The following IGSF9B variants were observed in gnomAD, a reference collection of about 807,000 sequenced individuals.
IGSF9B encodes immunoglobulin superfamily member 9B.
A neutral mutation model predicts 143.7 loss-of-function variants in IGSF9B; 48 were observed. That is an observed-to-expected ratio of 0.33 (90% CI 0.26 to 0.42). IGSF9B has a LOEUF of 0.42. Among genes scored for constraint, IGSF9B ranks in the 20% least tolerant of loss-of-function variants. The probability of loss-of-function intolerance (pLI) is 1.00; values close to 1 mark genes in which losing one functional copy is unlikely to be tolerated. For missense variants in IGSF9B, 1,706 were observed against 1,980.0 expected (o/e 0.86, Z 2.63); for synonymous variants, 903 against 833.1 (o/e 1.08, Z -1.44).
In IGSF9B at chr11:133,920,479, G is replaced by A; in HGVS notation, c.3246C>T (p.Pro1082=). The change falls in exon 18 of 20, where the codon CCC becomes CCT. Residue 1082 remains proline (P), a synonymous_variant. Transcript: ENST00000533871. ...PKAGLPRGLP[P]TSLQVPAAYP... ...AGGCCGCGGGCACCTGCAGGGAGGT[G>A]GGGGGCAGTCCTCGGGGGAGGCCGG... The A allele has an allele frequency of 6.4e-7, 1 of 1,573,664 alleles. No individual in the cohort carries two copies. Among genetic ancestry groups the A allele is most frequent in the Non-Finnish European group, 8.6e-7 (1 of 1,158,892 alleles).
At position 133,901,948 on chromosome 11, in the gene IGSF9B, T is replaced by TA. The variant is rs1939134137; in HGVS notation, c.*7120_*7121insT. On this transcript the variant is annotated 3_prime_UTR_variant, in exon 20 of 20. Coordinates refer to ENST00000533871, the MANE Select transcript of IGSF9B (RefSeq NM_001277285.4). Reference sequence around the variant, plus strand: ...CCAAACCACACAACACACACACACATCACACACATGCACACCGCATCACAC... The same window carrying TA: ...CCAAACCACACAACACACACACACATACACACACATGCACACCGCATCACAC... 1.6e-5 allele frequency among the ~76,000 whole-genome samples: 1 copy of TA among 64,198 alleles called. No individual in the cohort carries two copies. The highest frequency in any genetic ancestry group is 1.5e-4 in the Admixed American group (1 of 6,698). 42.1% of individuals were successfully genotyped at this position (64,198 alleles called of 152,430 possible). A position where few individuals can be genotyped will look rare whatever the true frequency, so the allele number is the denominator to read the frequency against.
At position 133,953,368 on chromosome 11, in the gene IGSF9B, C is replaced by A. The variant is rs1940197610; in HGVS notation, c.64+3323G>T. ...ACATCCCCGTCTCCCCAGCTTCCCA[C>A]AGGGCACAGGCTGCCAGACACACTC... On this transcript the variant is annotated intron_variant, in intron 1 of 19. Coordinates refer to ENST00000533871, the MANE Select transcript of IGSF9B (RefSeq NM_001277285.4). This position sits in a 1 kb window ranked among gnomAD's most constrained non-coding sequence, Gnocchi z 4.2. Among the ~76,000 whole-genome samples the A allele has an allele frequency of 6.6e-6, 1 of 152,186 alleles. No individual in the cohort carries two copies.
Position 133,919,927 on chromosome 11 carries a change from A to C in IGSF9B, c.3798T>G (p.Ser1266Arg). The change falls in exon 18 of 20, where the codon AGT becomes AGG. Residue 1266 changes from serine to arginine, a missense_variant. Around this residue, in one of 7 missense-constraint regions of IGSF9B, gnomAD observed 880 missense variants for 762.9 expected, o/e 1.15. Transcript: ENST00000533871. The stretch of plus-strand genomic sequence containing the variant: ...AGCCCATGGCGGGCCGGTAGCTGGG[A>C]CTCCCACTGCGGCTGCTCTGGGAGG... ...GSPSQSSRSG[S>R]PSYRPAMGFT... is the part of the protein sequence containing the mutation. 6.4e-7 allele frequency: 1 copy of C among 1,555,644 alleles called. No homozygotes were observed. The highest frequency in any genetic ancestry group is 8.7e-7 in the Non-Finnish European group (1 of 1,149,622).
Position 133,948,056 on chromosome 11 carries a change from C to CGTGTGTGTGTGTGTGTGTGTGT in IGSF9B, c.65-1820_65-1799dup, listed in dbSNP as rs71038546. On this transcript the variant is annotated intron_variant, in intron 1 of 19. Transcript: ENST00000533871. This position sits in a 1 kb window ranked among gnomAD's most constrained non-coding sequence, Gnocchi z 4.7. The stretch of plus-strand genomic sequence containing the variant: ...CTGTTTCTGTCTACCAGCATGTGTG[C>CGTGTGTGTGTGTGTGTGTGTGT]GTGTGTGTGTGTGTGTGTGTGTGTG... Among the ~76,000 whole-genome samples the CGTGTGTGTGTGTGTGTGTGTGT allele has an allele frequency of 6.8e-6, 1 of 147,186 alleles. No individual in the cohort carries two copies. Among genetic ancestry groups the CGTGTGTGTGTGTGTGTGTGTGT allele is most frequent in the African/African-American group, 2.6e-5 (1 of 39,074 alleles).
At position 133,902,161 on chromosome 11, in the gene IGSF9B, C is replaced by T. The variant is rs1024493315; in HGVS notation, c.*6908G>A. 1.3e-5 allele frequency among the ~76,000 whole-genome samples: 2 copies of T among 150,126 alleles called. No individual in the cohort carries two copies. The highest frequency in any genetic ancestry group is 2.5e-5 in the African/African-American group (1 of 40,646). On this transcript the variant is annotated 3_prime_UTR_variant, in exon 20 of 20. Coordinates refer to ENST00000533871, the MANE Select transcript of IGSF9B (RefSeq NM_001277285.4). ...CACACCAAACACACCAGACACACCACACACACCAAACACACACACACCAAA... is the reference window on the plus strand; with the variant it reads ...CACACCAAACACACCAGACACACCATACACACCAAACACACACACACCAAA...
Position 133,931,242 on chromosome 11 carries a change from G to C in IGSF9B, c.1369-108C>G. 3 of 1,186,004 alleles carry C rather than the reference G, an allele frequency of 2.5e-6. No homozygotes were observed. Among genetic ancestry groups the C allele is most frequent in the Non-Finnish European group, 3.6e-6 (3 of 829,454 alleles). 73.5% of individuals were successfully genotyped at this position (1,186,004 alleles called of 1,614,324 possible). ...CCTGAGACCCCGGCCCGCCCACGCT[G>C]CCCTCCTCCCGAGTGCCTGCCGCTC... On this transcript the variant is annotated intron_variant, in intron 10 of 19. Transcript: ENST00000533871. The surrounding 1 kb of genome is among the most constrained non-coding windows in gnomAD (Gnocchi z 7.7).
chr11:133,944,007 G>C (rs1250365502), intron 3 of IGSF9B, among the ~76,000 whole-genome samples: 1 of 152,230 alleles, frequency 6.6e-6, no homozygotes, highest in African/African-American at 2.4e-5. Flanking sequence ...TGCCGCTCCT[G>C]GGCACCTGCA....
intron 13 of IGSF9B, 120 bp from the exon 14 acceptor site, chr11:133,926,085 C>T: frequency 1.4e-6 from 1 of 705,600 alleles, no homozygotes; most frequent in Non-Finnish European, 2.5e-6. Context: ...GGGCCCGGGG[C>T]CCAGGGCTTC....
At chr11:133,944,436 C>A in intron 2 of IGSF9B, 70 bp from the exon 3 acceptor site, 1 of 1,505,398 alleles carries the variant, frequency 6.6e-7, no homozygotes, top group South Asian at 1.2e-5. Context: ...GCCCCCTGCC[C>A]CAGCTAAAGA....
intron 12 of IGSF9B, among the ~76,000 whole-genome samples, chr11:133,927,456 A>G (rs1939648262): frequency 1.3e-5 from 2 of 152,290 alleles, no homozygotes; most frequent in East Asian, 1.9e-4. Flanking sequence ...GTATGGGGAT[A>G]AGCGGCTCAA....
At position 133,904,194 on chromosome 11, in the gene IGSF9B, T is replaced by TATCACC. The variant is rs1385186293; in HGVS notation, c.*4869_*4874dup. On this transcript the variant is annotated 3_prime_UTR_variant, in exon 20 of 20. Transcript: ENST00000533871. Reference sequence around the variant, plus strand: ...ACGTCAGGCTCCAGCTCCCCCTCTCTATCACCATCACCATCACCAAGGCCC... The same window carrying TATCACC: ...ACGTCAGGCTCCAGCTCCCCCTCTCTATCACCATCACCATCACCATCACCAAGGCCC... Among the ~76,000 whole-genome samples, 2 of 152,056 alleles carry TATCACC rather than the reference T, an allele frequency of 1.3e-5. No individual in the cohort carries two copies. The highest frequency in any genetic ancestry group is 6.6e-5 in the Admixed American group (1 of 15,260).
chr11:133,904,734 C>T lies in IGSF9B; in HGVS notation c.*4335G>A, dbSNP rs1939187755. On this transcript the variant is annotated 3_prime_UTR_variant, in exon 20 of 20. Coordinates refer to ENST00000533871, the MANE Select transcript of IGSF9B (RefSeq NM_001277285.4). ...CCCTGGGGTGGTCTCACCATCCTAA[C>T]CCATGCCTGACCTCACCCTCTGTGC... Among the ~76,000 whole-genome samples the T allele has an allele frequency of 1.3e-5, 2 of 151,976 alleles. No homozygotes were observed. Among genetic ancestry groups the T allele is most frequent in the African/African-American group, 4.8e-5 (2 of 41,344 alleles).
intron 3 of IGSF9B, 88 bp from the exon 4 acceptor site, chr11:133,938,049 G>A (rs1048496403): frequency 9.9e-6 from 14 of 1,413,548 alleles, no homozygotes; most frequent in Admixed American, 3.9e-5. Context: ...CATCACCCTC[G>A]CTGCGGCTCT....
chr11:133,931,615 T>A lies in IGSF9B; in HGVS notation c.1251+40A>T, dbSNP rs188929257. ...ACCCTCGTGAGGCCGGGGATCCAGG[T>A]GCCCAGCTCATGGAGGCCGTCACAG... On this transcript the variant is annotated intron_variant, in intron 9 of 19. Transcript: ENST00000533871. This position sits in a 1 kb window ranked among gnomAD's most constrained non-coding sequence, Gnocchi z 7.7. 3.8e-3 allele frequency: 6,072 copies of A among 1,608,314 alleles called. 30 individuals are homozygous for A. The highest frequency in any genetic ancestry group is 4.3e-3 in the Non-Finnish European group (5,042 of 1,176,236).
At chr11:133,940,403 AAC>A (rs1173300725) in intron 3 of IGSF9B, among the ~76,000 whole-genome samples, 1 of 137,620 alleles carries the variant, frequency 7.3e-6, no homozygotes, top group Non-Finnish European at 1.5e-5. Flanking sequence ...CGCATGCAGA[AAC>A]ATACACCTTG....
rs1216888346 is a variant in IGSF9B at position 133,907,651 on chromosome 11, T to C, written c.*1418A>G. 2.0e-5 allele frequency among the ~76,000 whole-genome samples: 3 copies of C among 152,214 alleles called. No individual in the cohort carries two copies. The highest frequency in any genetic ancestry group is 3.9e-4 in the East Asian group (2 of 5,176). On this transcript the variant is annotated 3_prime_UTR_variant, in exon 20 of 20. Transcript: ENST00000533871. ...TGGGAAGATGATCTCAGGAAGCTTCTGGATGCTACGAGTTTGAACCAGGAC... is the reference window on the plus strand; with the variant it reads ...TGGGAAGATGATCTCAGGAAGCTTCCGGATGCTACGAGTTTGAACCAGGAC...
In IGSF9B at chr11:133,931,339, C is replaced by T. The variant is rs893266353; in HGVS notation, c.1368+114G>A. On this transcript the variant is annotated intron_variant, in intron 10 of 19. Transcript: ENST00000533871. This position sits in a 1 kb window ranked among gnomAD's most constrained non-coding sequence, Gnocchi z 7.7. ...CCAGAATAGAACTGCTCGCTGGGCC[C>T]TCACACCTCCCCTCAGCCCCGGGGC... 3.5e-6 allele frequency: 3 copies of T among 869,406 alleles called. No homozygotes were observed. Among genetic ancestry groups the T allele is most frequent in the Non-Finnish European group, 1.8e-6 (1 of 557,542 alleles). The allele number at this position is 869,406 out of a possible 1,614,324, so 53.9% of individuals were successfully genotyped here.
In IGSF9B at chr11:133,896,551, C is replaced by T. The variant is rs181857985; in HGVS notation, c.*12518G>A. The T allele has an allele frequency of 7.9e-5, 12 of 152,346 alleles. No homozygotes were observed. The highest frequency in any genetic ancestry group is 3.3e-4 in the Admixed American group (5 of 15,308). 9.4% of individuals were successfully genotyped at this position (152,346 alleles called of 1,614,324 possible). A position where few individuals can be genotyped will look rare whatever the true frequency, so the allele number is the denominator to read the frequency against. ...CTTTTCATCAGTTTAACTTGCAACA[C>T]TCCCGGGGTACCTGCACTGGCTGCA... On this transcript the variant is annotated 3_prime_UTR_variant, in exon 20 of 20. Coordinates refer to ENST00000533871, the MANE Select transcript of IGSF9B (RefSeq NM_001277285.4).
chr11:133,926,116 C>T (rs1266917015), intron 13 of IGSF9B, among the ~76,000 whole-genome samples, 151 bp from the exon 14 acceptor site: 4 of 152,154 alleles, frequency 2.6e-5, no homozygotes, highest in East Asian at 3.9e-4. Context: ...CTTCAGAGTA[C>T]GTCTAAACAT....
Sources: gnomAD v4.1 joint callset for allele counts (sites outside exome capture counted in the v4.1 genomes callset) on GRCh38, gnomAD v4.1.1 for gene constraint, gnomAD v4.1.1 regional missense constraint, Gnocchi (gnomAD v3.1) non-coding constraint, MANE v1.5 for transcripts, NCBI Gene and HGNC (gene_info 2026-07-23, HGNC 2026-07-21) for gene names.